KCNH3: variants seen among roughly 807,000 people sequenced by gnomAD.
KCNH3 encodes the protein voltage-gated inwardly rectifying potassium channel KCNH3.
A neutral mutation model predicts 95.6 loss-of-function variants in KCNH3; 36 were observed. The observed-to-expected ratio is 0.38, with a 90% CI of 0.29 to 0.50. KCNH3 has a LOEUF of 0.50. Ranked by LOEUF, KCNH3 falls within the 20% of genes least tolerant of loss-of-function variation. The pLI is 0.95. For missense variants in KCNH3, 1,030 were observed against 1,484.1 expected (o/e 0.69, Z 5.03); for synonymous variants, 620 against 646.3 (o/e 0.96, Z 0.62).
rs1424293467 is a variant in KCNH3, at chr12:49,542,719, C to T, written c.459C>T (p.Arg153=). Residue 153 remains arginine (R), a synonymous_variant, in exon 4 of 15, where the codon CGC becomes CGT. Transcript: ENST00000257981. ...CTTCTTTCGCAGGTGGTGGCCGGCG[C>T]CGATATGGCCGGGCACGATCCAAAG... The part of the protein sequence containing the change: ...DRWKETGGGR[R]RYGRARSKGF... 2.5e-6 allele frequency: 4 copies of T among 1,579,518 alleles called. No individual in the cohort carries two copies. The African/African-American group carries it at 5.4e-5, about 21-fold the overall frequency.
At chr12:49,541,604 T>G in intron 2 of KCNH3, 26 bp from the exon 3 acceptor site, 1 of 1,612,636 alleles carries the variant, frequency 6.2e-7, no homozygotes. Context: ...GAATAGGAGG[T>G]GGGCTGAGTT....
At chr12:49,549,207 C>T in intron 8 of KCNH3, 34 bp downstream of exon 8, 1 of 1,550,116 alleles carries the variant, frequency 6.5e-7, no homozygotes, top group South Asian at 1.2e-5. Flanking sequence ...CCCGGGGCCA[C>T]TCCCAGACTT....
In KCNH3 at chr12:49,557,767, G is replaced by A; in HGVS notation, c.3066G>A (p.Glu1022=). ...CCCCTGCCTCCCCTCCTCCTTCTGA[G>A]GAAGGGGCTAGGACTGGGCCCGCAG... is the stretch of plus-strand genomic sequence containing the variant. ...PSTPASPPPS[E]EGARTGPAEP... Residue 1022 remains glutamate (E), a synonymous_variant, in exon 15 of 15, where the codon GAG becomes GAA. Coordinates refer to ENST00000257981, the MANE Select transcript of KCNH3 (RefSeq NM_012284.3). 3 of 1,612,730 alleles carry A rather than the reference G, an allele frequency of 1.9e-6. No homozygotes were observed. The highest frequency in any genetic ancestry group is 1.7e-6 in the Non-Finnish European group (2 of 1,179,560).
chr12:49,554,615 G>C, intron 11 of KCNH3, 61 bp downstream of exon 11: 1 of 1,435,878 alleles, frequency 7.0e-7, no homozygotes, highest in Non-Finnish European at 9.7e-7. Context: ...GGTGAAGTGG[G>C]CAGAGGCTGG....
At position 49,549,980 on chromosome 12, in the gene KCNH3, CCT is replaced by C. The variant is rs1359100752; in HGVS notation, c.1669-99_1669-98del. On this transcript the variant is annotated intron_variant, in intron 9 of 14. Transcript: ENST00000257981. ...GGCCTCAGGTCCCTCCCATGCCTCCCCTGTTCCTGAGGCCTGCCAGGGTGGAG... is the reference window on the plus strand; with the variant it reads ...GGCCTCAGGTCCCTCCCATGCCTCCCGTTCCTGAGGCCTGCCAGGGTGGAG... The C allele has an allele frequency of 2.3e-6, 3 of 1,304,646 alleles. No homozygotes were observed. In the East Asian group the frequency reaches 7.6e-5, roughly 33 times the overall value. The allele number at this position is 1,304,646 out of a possible 1,614,324, so 80.8% of individuals were successfully genotyped here. A position where few individuals can be genotyped will look rare whatever the true frequency, so the allele number is the denominator to read the frequency against.
At chr12:49,545,092 C>T (rs1384837146) in intron 7 of KCNH3, among the ~76,000 whole-genome samples, 1 of 152,108 alleles carries the variant, frequency 6.6e-6, no homozygotes, top group East Asian at 1.9e-4. Flanking sequence ...CCCTGCCAAC[C>T]ATAGTTCCTC....
chr12:49,551,102 G>C (rs1054036359), intron 10 of KCNH3, among the ~76,000 whole-genome samples: 5 of 152,236 alleles, frequency 3.3e-5, no homozygotes, highest in African/African-American at 1.2e-4. Context: ...GCCGGGGCTG[G>C]AGCCCCATCC....
intron 11 of KCNH3, 79 bp from the exon 12 acceptor site, chr12:49,555,541 G>T: frequency 1.2e-6 from 1 of 855,462 alleles, no homozygotes; most frequent in Non-Finnish European, 1.8e-6. Flanking sequence ...TTCCAGGGTA[G>T]ATGAAGCCTT....
Position 49,544,162 on chromosome 12 carries a change from C to G in KCNH3, c.982-13C>G. The G allele has an allele frequency of 1.3e-6, 2 of 1,581,572 alleles. No homozygotes were observed. The highest frequency in any genetic ancestry group is 1.7e-6 in the Non-Finnish European group (2 of 1,161,264). On this transcript the variant is annotated splice_polypyrimidine_tract_variant and intron_variant, in intron 6 of 14. Coordinates refer to ENST00000257981, the MANE Select transcript of KCNH3 (RefSeq NM_012284.3). Reference sequence around the variant, plus strand: ...GACCTCCCTCCCTCCCTCCCTCCCTCCCCGCATCTCAGTACTTCGGGGCCC... The same window carrying G: ...GACCTCCCTCCCTCCCTCCCTCCCTGCCCGCATCTCAGTACTTCGGGGCCC...
chr12:49,539,332 G>C lies in KCNH3; in HGVS notation c.-85G>C. ...TGCGCTAGGGAGCGCGGGGCCCGGC[G>C]GGGGGCGGCCGAGCTGGGCGCCCTC... On this transcript the variant is annotated 5_prime_UTR_variant, in exon 1 of 15. Transcript: ENST00000257981. This position sits in a 1 kb window ranked among gnomAD's most constrained non-coding sequence, Gnocchi z 6.7. The C allele has an allele frequency of 1.3e-6, 1 of 798,154 alleles. No individual in the cohort carries two copies. The highest frequency in any genetic ancestry group is 1.7e-6 in the Non-Finnish European group (1 of 585,358). The allele number at this position is 798,154 out of a possible 1,614,324, so 49.4% of individuals were successfully genotyped here.
intron 12 of KCNH3, 34 bp from the exon 13 acceptor site, chr12:49,556,336 C>T (rs1484329708): frequency 2.6e-5 from 39 of 1,497,920 alleles, no homozygotes; most frequent in Non-Finnish European, 3.6e-5. Flanking sequence ...GCTGCCTGTC[C>T]ATTGATTTGT....
In KCNH3 at chr12:49,542,801, C is replaced by G; in HGVS notation, c.541C>G (p.Leu181Val). Reference protein sequence around the residue: ...RAVLYHLSGHLQKQPKGKHKL... With the variant: ...RAVLYHLSGHVQKQPKGKHKL... ...CGTGCTCTACCACCTGTCCGGGCAC[C>G]TGCAGAAGCAGCCCAAGGGCAAGCA... The change falls in exon 4 of 15, where the codon CTG becomes GTG. Residue 181 changes from leucine (L) to valine (V), a missense_variant. Transcript: ENST00000257981. 1.9e-6 allele frequency: 3 copies of G among 1,603,290 alleles called. No individual in the cohort carries two copies. The highest frequency in any genetic ancestry group is 2.6e-6 in the Non-Finnish European group (3 of 1,176,130).
chr12:49,554,465 G>A lies in KCNH3; in HGVS notation c.2047G>A (p.Ala683Thr). The A allele has an allele frequency of 6.2e-7, 1 of 1,613,596 alleles. No homozygotes were observed. Among genetic ancestry groups the A allele is most frequent in the Non-Finnish European group, 8.5e-7 (1 of 1,180,038 alleles). ...GCTGGCTGGCCTGCACGACAGCCTT[G>A]CGCTGTACCCCGAGTTTGCCCCGCG... ...LQLAGLHDSLALYPEFAPRFS... is the reference protein window; with the variant it reads ...LQLAGLHDSLTLYPEFAPRFS... The change falls in exon 11 of 15, where the codon GCG becomes ACG. Residue 683 changes from alanine (A) to threonine (T), a missense_variant. Physicochemically the swap from Ala to Thr is moderately conservative, Grantham distance 58. Coordinates refer to ENST00000257981, the MANE Select transcript of KCNH3 (RefSeq NM_012284.3).
rs1160239998 is a variant in KCNH3, at chr12:49,544,042, T to C, written c.951T>C (p.Phe317=). Residue 317 remains phenylalanine (F), a synonymous_variant, in exon 6 of 15, where the codon TTT becomes TTC. Coordinates refer to ENST00000257981, the MANE Select transcript of KCNH3 (RefSeq NM_012284.3). The stretch of plus-strand genomic sequence containing the variant: ...TGGATGTCATCGCAGCGCTGCCCTT[T>C]GACCTGCTACATGCCTTCAAGGTCA... ...FLLDVIAALP[F]DLLHAFKVNV... 2.5e-6 allele frequency: 4 copies of C among 1,613,230 alleles called. No homozygotes were observed. In the South Asian group the frequency reaches 4.4e-5, roughly 18 times the overall value.
intron 10 of KCNH3, 148 bp downstream of exon 10, chr12:49,550,477 C>T (rs979136692): frequency 1.9e-6 from 2 of 1,046,846 alleles, no homozygotes; most frequent in African/African-American, 3.2e-5. Flanking sequence ...GAGTCCTGGT[C>T]AAAGCTCAGA....
chr12:49,555,369 C>T (rs1361648113), intron 11 of KCNH3, among the ~76,000 whole-genome samples: 1 of 150,720 alleles, frequency 6.6e-6, no homozygotes, highest in African/African-American at 2.4e-5. Flanking sequence ...ATGGCATGAA[C>T]CCGGGAGGTG....
chr12:49,556,690 A>G (rs1269771334), intron 13 of KCNH3: 3 of 696,884 alleles, frequency 4.3e-6, no homozygotes, highest in Admixed American at 2.0e-5. Flanking sequence ...CTGGGTTTAT[A>G]TCCTTGCTCT....
At chr12:49,546,501 C>G (rs1938066936) in intron 7 of KCNH3, among the ~76,000 whole-genome samples, 1 of 152,166 alleles carries the variant, frequency 6.6e-6, no homozygotes, top group Non-Finnish European at 1.5e-5. Context: ...CTTCTCCAAG[C>G]TTCCTTGCCT....
At chr12:49,541,291 C>T (rs973962685) in intron 2 of KCNH3, among the ~76,000 whole-genome samples, 159 bp downstream of exon 2, 5 of 152,224 alleles carry the variant, frequency 3.3e-5, no homozygotes, top group Non-Finnish European at 2.9e-5. Flanking sequence ...TGCTCCATCC[C>T]ACCTCTTGCC....
Sources: gnomAD v4.1 joint callset for allele counts (sites outside exome capture counted in the v4.1 genomes callset) on GRCh38, gnomAD v4.1.1 for gene constraint, Gnocchi (gnomAD v3.1) non-coding constraint, MANE v1.5 for transcripts, NCBI Gene and HGNC (gene_info 2026-07-23, HGNC 2026-07-21) for gene names.